The following MYO5C variants were observed in gnomAD, a reference collection of about 807,000 sequenced individuals.
MYO5C encodes myosin VC, also known as unconventional myosin-Vc.
MYO5C carries 194 observed loss-of-function variants against 235.7 expected under a neutral mutation model. The ratio of observed to expected loss-of-function variants is 0.82; its 90% CI spans 0.73 to 0.93. The LOEUF (loss-of-function observed/expected upper bound fraction) is 0.93. Ranked by LOEUF, MYO5C falls within the 40% of genes least tolerant of loss-of-function variation. MYO5C has a pLI of 0.00. For synonymous variants in MYO5C, 707 were observed against 754.8 expected (o/e 0.94, Z 1.04); for missense variants, 2,038 against 2,127.2 (o/e 0.96, Z 0.82).
chr15:52,274,167 G>A (rs1196801165), intron 5 of MYO5C, among the ~76,000 whole-genome samples: 1 of 152,148 alleles, frequency 6.6e-6, no homozygotes, highest in Non-Finnish European at 1.5e-5. Flanking sequence ...GTAAACAAAG[G>A]TAAACCAAAT....
chr15:52,268,117 A>G (rs1215646323), intron 8 of MYO5C, among the ~76,000 whole-genome samples: 1 of 152,188 alleles, frequency 6.6e-6, no homozygotes, highest in East Asian at 1.9e-4. Flanking sequence ...TTCATTCTCC[A>G]TTATCCAGCT....
At position 52,295,675 on chromosome 15, in the gene MYO5C, G is replaced by C; in HGVS notation, c.-39C>G. 4 of 1,374,042 alleles carry C rather than the reference G, an allele frequency of 2.9e-6. No individual in the cohort carries two copies. The highest frequency in any genetic ancestry group is 3.8e-6 in the Non-Finnish European group (4 of 1,056,520). The allele number at this position is 1,374,042 out of a possible 1,614,324, so 85.1% of individuals were successfully genotyped here. A position where few individuals can be genotyped will look rare whatever the true frequency, so the allele number is the denominator to read the frequency against. On this transcript the variant is annotated 5_prime_UTR_variant, in exon 1 of 41. Transcript: ENST00000261839. ...CGGGGCCAGGCCGGGGCTGCCGAACGTGCGAGGCTCGGGGGCTGGGCCTGC... is the reference window on the plus strand; with the variant it reads ...CGGGGCCAGGCCGGGGCTGCCGAACCTGCGAGGCTCGGGGGCTGGGCCTGC...
intron 2 of MYO5C, among the ~76,000 whole-genome samples, chr15:52,282,234 C>T: frequency 6.6e-6 from 1 of 152,172 alleles, no homozygotes; most frequent in East Asian, 1.9e-4. Context: ...TCTTCTTGTC[C>T]CTGCCACACT....
chr15:52,225,697 G>A (rs2035807160), intron 25 of MYO5C, among the ~76,000 whole-genome samples, 165 bp from the exon 26 acceptor site: 1 of 152,170 alleles, frequency 6.6e-6, no homozygotes, highest in Non-Finnish European at 1.5e-5. Context: ...TACACAGCTT[G>A]GCCTTGAAGC....
At chr15:52,294,934 AGAGCCTAC>A (rs1233351809) in intron 1 of MYO5C, among the ~76,000 whole-genome samples, 1 of 152,224 alleles carries the variant, frequency 6.6e-6, no homozygotes, top group Non-Finnish European at 1.5e-5. Flanking sequence ...TGTTAGGCAA[AGAGCCTAC>A]GACTGCACCT....
chr15:52,218,688 CT>C lies in MYO5C; in HGVS notation c.3786-2del. ...TATTTCATTTTGGGCTTCCAAGGCCCTGAGAAAGGGAGGGAGGAATGGCTGG... is the reference window on the plus strand; with the variant it reads ...TATTTCATTTTGGGCTTCCAAGGCCCGAGAAAGGGAGGGAGGAATGGCTGG... On this transcript the variant is annotated splice_acceptor_variant, in intron 31 of 40. Coordinates refer to ENST00000261839, the MANE Select transcript of MYO5C (RefSeq NM_018728.4). LOFTEE classifies it high-confidence loss of function. 1 of 1,614,002 alleles carries C rather than the reference CT, an allele frequency of 6.2e-7. No individual in the cohort carries two copies. The highest frequency in any genetic ancestry group is 8.5e-7 in the Non-Finnish European group (1 of 1,179,950).
Position 52,204,951 on chromosome 15 carries a change from C to G in MYO5C, c.4734G>C (p.Gln1578His), listed in dbSNP as rs183182609. Residue 1578 changes from glutamine (Q) to histidine (H), a missense_variant, in exon 38 of 41, where the codon CAG (glutamine) becomes CAC (histidine). Physicochemically the swap from Gln to His is conservative, Grantham distance 24 (BLOSUM62 0). Transcript: ENST00000261839. ...TGACCGCCCCGATCAAGAAGAAGAG[C>G]TGCTTCACCGCCTGCCTCACAAGCT... The part of the protein sequence containing the change: ...DPELVRQAVK[Q>H]LFFLIGAVTL... 141 of 1,614,264 alleles carry G rather than the reference C, an allele frequency of 8.7e-5. 1 individual carries two copies. The Admixed American group carries it at 1.5e-3, about 18-fold the overall frequency.
At chr15:52,250,243 T>C (rs1566979327) in intron 13 of MYO5C, among the ~76,000 whole-genome samples, 1 of 12,388 alleles carries the variant, frequency 8.1e-5, no homozygotes, top group African/African-American at 1.2e-4. Context: ...TTTCTTTTTC[T>C]TTTTCTTTTT....
Position 52,192,700 on chromosome 15 carries a change from G to A in MYO5C, c.*1202C>T, listed in dbSNP as rs1164013598. On this transcript the variant is annotated 3_prime_UTR_variant, in exon 41 of 41. Coordinates refer to ENST00000261839, the MANE Select transcript of MYO5C (RefSeq NM_018728.4). ...CCAGTTCCCATAAAACTTGGGAAAC[G>A]TAGATTTCTCAAAAGTAGGGTCCGA... 2 of 152,180 alleles carry A rather than the reference G, an allele frequency of 1.3e-5. No homozygotes were observed. The highest frequency in any genetic ancestry group is 6.5e-5 in the Admixed American group (1 of 15,278). 9.4% of individuals were successfully genotyped at this position (152,180 alleles called of 1,614,324 possible).
intron 19 of MYO5C, 135 bp from the exon 20 acceptor site, chr15:52,242,348 G>A: frequency 1.0e-6 from 1 of 985,954 alleles, no homozygotes; most frequent in Non-Finnish European, 1.5e-6. Flanking sequence ...AAACTCTGTG[G>A]GCAGTTTATT....
At chr15:52,266,606 AG>A (rs1204180597) in intron 8 of MYO5C, among the ~76,000 whole-genome samples, 1 of 152,102 alleles carries the variant, frequency 6.6e-6, no homozygotes, top group African/African-American at 2.4e-5. Context: ...AAGGAATCCT[AG>A]TATTGTTCCC....
chr15:52,212,062 AC>A lies in MYO5C; in HGVS notation c.4142-179del, dbSNP rs779949962. On this transcript the variant is annotated intron_variant, in intron 34 of 40. Transcript: ENST00000261839. Reference sequence around the variant, plus strand: ...TGGCTCCTTTCTTGGCACAAGATACACAGGTGTCACTTGTTCCTCTTCTTGT... The same window carrying A: ...TGGCTCCTTTCTTGGCACAAGATACAAGGTGTCACTTGTTCCTCTTCTTGT... 1.3e-5 allele frequency among the ~76,000 whole-genome samples: 2 copies of A among 152,336 alleles called. 1 individual carries two copies.
chr15:52,292,120 T>G (rs1226569492), intron 1 of MYO5C, among the ~76,000 whole-genome samples: 1 of 152,244 alleles, frequency 6.6e-6, no homozygotes, highest in African/African-American at 2.4e-5. Context: ...TGTTATGAAC[T>G]CTTCAGAAAT....
chr15:52,229,076 G>T (rs775142484), intron 25 of MYO5C, 57 bp downstream of exon 25: 32 of 1,595,076 alleles, frequency 2.0e-5, no homozygotes, highest in Non-Finnish European at 2.7e-5. Flanking sequence ...TGGGAACTTG[G>T]AATTGCAATC....
intron 24 of MYO5C, among the ~76,000 whole-genome samples, chr15:52,231,667 C>T (rs190858902): frequency 6.6e-6 from 1 of 152,190 alleles, no homozygotes; most frequent in Non-Finnish European, 1.5e-5. Flanking sequence ...GGCTGTCCTG[C>T]TCACTGCATG....
intron 1 of MYO5C, among the ~76,000 whole-genome samples, chr15:52,286,338 G>A (rs28391475): frequency 0.18 from 26,681 of 146,462 alleles, 1,492 homozygotes; most frequent in African/African-American, 0.27. Flanking sequence ...CCCCCCGCCC[G>A]GCCAGCCGCC....
intron 4 of MYO5C, chr15:52,277,985 TAA>T (rs1272847560): frequency 2.2e-6 from 1 of 455,840 alleles, no homozygotes; most frequent in Admixed American, 2.4e-5. Flanking sequence ...AAGATTTAGG[TAA>T]AGAGTCAGCA....
intron 2 of MYO5C, among the ~76,000 whole-genome samples, chr15:52,280,431 C>T (rs1472204457): frequency 1.3e-5 from 2 of 152,238 alleles, no homozygotes; most frequent in African/African-American, 4.8e-5. Context: ...GGCGAGCATG[C>T]CCCGTGGCAT....
intron 28 of MYO5C, among the ~76,000 whole-genome samples, chr15:52,224,344 T>C (rs115170131): frequency 0.03 from 4,539 of 152,328 alleles, 262 homozygotes; most frequent in African/African-American, 0.1. Context: ...CGAGTCATTA[T>C]ACATTTGTCA....
Sources: gnomAD v4.1 joint callset for allele counts (sites outside exome capture counted in the v4.1 genomes callset) on GRCh38, gnomAD v4.1.1 for gene constraint, MANE v1.5 for transcripts, NCBI Gene and HGNC (gene_info 2026-07-23, HGNC 2026-07-21) for gene names.